The following APCDD1 variants were observed in gnomAD, a reference collection of about 807,000 sequenced individuals.
APCDD1 encodes the protein protein APCDD1.
APCDD1 carries 15 observed loss-of-function variants against 38.1 expected under a neutral mutation model. The ratio of observed to expected loss-of-function variants is 0.39; its 90% CI spans 0.26 to 0.61. The LOEUF (loss-of-function observed/expected upper bound fraction) is 0.61, where lower values mean the gene tolerates loss of function less well. APCDD1 is among the 20% of genes least tolerant of loss of function. APCDD1 has a pLI of 0.49. For missense variants in APCDD1, 647 were observed against 696.2 expected, an observed-to-expected ratio of 0.93 and a Z score of 0.79; for synonymous variants, 261 against 279.7, an observed-to-expected ratio of 0.93 and a Z score of 0.67.
chr18:10,486,179 C>T (rs1447783937), intron 4 of APCDD1, among the ~76,000 whole-genome samples: 1 of 152,148 alleles, frequency 6.6e-6, no homozygotes, highest in Non-Finnish European at 1.5e-5. Context: ...TAGTGAGGCC[C>T]TAACTCTATA....
In APCDD1 at chr18:10,487,909, G is replaced by T; in HGVS notation, c.1416G>T (p.Arg472Ser). 6.2e-7 allele frequency: 1 copy of T among 1,613,350 alleles called. No homozygotes were observed. Residue 472 changes from arginine to serine, a missense_variant, in exon 5 of 5, where the codon AGG becomes AGT. Coordinates refer to ENST00000355285, the MANE Select transcript of APCDD1 (RefSeq NM_153000.5). The stretch of plus-strand genomic sequence containing the variant: ...TCCAGTGTGCCTCCTCTTCGCCGAG[G>T]GCAGAGGACCTCGCAGAAGACAGTG... ...PLVQCASSSPRAEDLAEDSGS... is the reference protein window; with the variant it reads ...PLVQCASSSPSAEDLAEDSGS...
At chr18:10,465,402 T>C (rs1474719562) in intron 1 of APCDD1, among the ~76,000 whole-genome samples, 4 of 152,198 alleles carry the variant, frequency 2.6e-5, no homozygotes, top group Admixed American at 2.0e-4. Flanking sequence ...TTGGTTTTTT[T>C]CTTCCCTCAC....
chr18:10,481,822 A>G (rs2031146175), intron 3 of APCDD1, among the ~76,000 whole-genome samples: 1 of 122,968 alleles, frequency 8.1e-6, no homozygotes, highest in Non-Finnish European at 1.8e-5. Flanking sequence ...GCTCTCCACA[A>G]GACAAAAAAA....
chr18:10,459,679 C>T (rs1309586858), intron 1 of APCDD1, among the ~76,000 whole-genome samples: 1 of 152,162 alleles, frequency 6.6e-6, no homozygotes, highest in African/African-American at 2.4e-5. Flanking sequence ...GTCTGCAATA[C>T]ATACATGCTT....
chr18:10,488,001 G>A lies in APCDD1; in HGVS notation c.1508G>A (p.Cys503Tyr). 1 of 1,613,882 alleles carries A rather than the reference G, an allele frequency of 6.2e-7. No homozygotes were observed. Among genetic ancestry groups the A allele is most frequent in the Middle Eastern group, 1.7e-4 (1 of 6,054 alleles). Residue 503 changes from cysteine to tyrosine, a missense_variant, in exon 5 of 5, where the codon TGC becomes TAC. Transcript: ENST00000355285. ...TCCCTGCTGCTGGCTGCACTTGCCTGCCTTGTCCCTCTGCTGCATTGGAAC... is the reference window on the plus strand; with the variant it reads ...TCCCTGCTGCTGGCTGCACTTGCCTACCTTGTCCCTCTGCTGCATTGGAAC... ...TWSLLLAALA[C>Y]LVPLLHWNIR... is the part of the protein sequence containing the mutation.
At chr18:10,483,545 C>A (rs1430612070) in intron 3 of APCDD1, among the ~76,000 whole-genome samples, 1 of 152,262 alleles carries the variant, frequency 6.6e-6, no homozygotes, top group Admixed American at 6.5e-5. Context: ...GCCCACAGCT[C>A]TTCCTGCCCT....
rs2031324429 is a variant in APCDD1 at position 10,489,515 on chromosome 18, CTG to C, written c.*1480_*1481del. ...GAGATCAAGACCATCCTGGCTAACA[CTG>C]TGAAATGCTGTCTCTACTAAAAATA... On this transcript the variant is annotated 3_prime_UTR_variant, in exon 5 of 5. Transcript: ENST00000355285. 1 of 152,144 alleles carries C rather than the reference CTG, an allele frequency of 6.6e-6. No individual in the cohort carries two copies. Among genetic ancestry groups the C allele is most frequent in the Admixed American group, 6.5e-5 (1 of 15,272 alleles). 9.4% of individuals were successfully genotyped at this position (152,144 alleles called of 1,614,324 possible).
Position 10,471,501 on chromosome 18 carries a change from A to G in APCDD1, c.243-29A>G. ...CTTTCCCATACCTTCAGGCTTACAA[A>G]GGTCTCTTCTTCCCCTTTTCTTGCC... On this transcript the variant is annotated intron_variant, in intron 2 of 4. Coordinates refer to ENST00000355285, the MANE Select transcript of APCDD1 (RefSeq NM_153000.5). This position sits in a 1 kb window ranked among gnomAD's most constrained non-coding sequence, Gnocchi z 5.5. The G allele has an allele frequency of 6.2e-7, 1 of 1,614,064 alleles. No homozygotes were observed. The highest frequency in any genetic ancestry group is 2.2e-5 in the East Asian group (1 of 44,886).
chr18:10,482,953 A>G (rs2031172664), intron 3 of APCDD1, among the ~76,000 whole-genome samples: 2 of 152,264 alleles, frequency 1.3e-5, no homozygotes, highest in African/African-American at 4.8e-5. Context: ...CATTTGAAAG[A>G]TAGTGGCACA....
rs139610771 is a variant in APCDD1, at chr18:10,464,395, A to G, written c.59-4074A>G. Among the ~76,000 whole-genome samples, 302 of 151,840 alleles carry G rather than the reference A, an allele frequency of 2.0e-3. 1 individual carries two copies. Among genetic ancestry groups the G allele is most frequent in the African/African-American group, 6.9e-3 (286 of 41,398 alleles). ...GTTAGTCTTTATGTTTCTGGCTCCTAAAGTATAGCAAATAAAGGTTTATAG... is the reference window on the plus strand; with the variant it reads ...GTTAGTCTTTATGTTTCTGGCTCCTGAAGTATAGCAAATAAAGGTTTATAG... On this transcript the variant is annotated intron_variant, in intron 1 of 4. Coordinates refer to ENST00000355285, the MANE Select transcript of APCDD1 (RefSeq NM_153000.5).
rs143107759 is a variant in APCDD1, at chr18:10,485,550, C to T, written c.863C>T (p.Thr288Ile). Residue 288 changes from threonine (T) to isoleucine (I), a missense_variant, in exon 4 of 5, where the codon ACC becomes ATC. Physicochemically the swap from Thr to Ile is moderately conservative, Grantham distance 89. Coordinates refer to ENST00000355285, the MANE Select transcript of APCDD1 (RefSeq NM_153000.5). The surrounding 1 kb of genome is among the most constrained non-coding windows in gnomAD (Gnocchi z 5.8). The stretch of plus-strand genomic sequence containing the variant: ...ATCCTGCCCCCAAAGGCAGACCTGA[C>T]CATCGGCCTGCACGGGGAGTGGGTG... ...PPILPPKADLTIGLHGEWVSQ... is the reference protein window; with the variant it reads ...PPILPPKADLIIGLHGEWVSQ... The T allele has an allele frequency of 3.0e-5, 48 of 1,614,164 alleles. No individual in the cohort carries two copies. The African/African-American group carries it at 5.7e-4, about 19-fold the overall frequency.
chr18:10,470,887 C>G lies in APCDD1; in HGVS notation c.243-643C>G, dbSNP rs1224991244. On this transcript the variant is annotated intron_variant, in intron 2 of 4. Transcript: ENST00000355285. This position sits in a 1 kb window ranked among gnomAD's most constrained non-coding sequence, Gnocchi z 4.1. ...GGCAACCATCATAAACAAAAGGAAC[C>G]CTTATTTCTGTTGTGCCAGCTTTGC... is the stretch of plus-strand genomic sequence containing the variant. Among the ~76,000 whole-genome samples, 1 of 152,182 alleles carries G rather than the reference C, an allele frequency of 6.6e-6. No homozygotes were observed. The highest frequency in any genetic ancestry group is 6.5e-5 in the Admixed American group (1 of 15,288).
In APCDD1 at chr18:10,472,846, G is replaced by A. The variant is rs999893978; in HGVS notation, c.774+785G>A. On this transcript the variant is annotated intron_variant, in intron 3 of 4. Coordinates refer to ENST00000355285, the MANE Select transcript of APCDD1 (RefSeq NM_153000.5). This position sits in a 1 kb window ranked among gnomAD's most constrained non-coding sequence, Gnocchi z 6.6. ...TTCACAAGGCATTTCCTTCCCACAA[G>A]CTTAGAGTACACGTCCATGTGTAAC... 1.3e-5 allele frequency among the ~76,000 whole-genome samples: 2 copies of A among 152,196 alleles called. No individual in the cohort carries two copies. Among genetic ancestry groups the A allele is most frequent in the African/African-American group, 2.4e-5 (1 of 41,450 alleles).
rs2030848441 is a variant in APCDD1 at position 10,471,447 on chromosome 18, C to T, written c.243-83C>T. ...CATCGTCAGCACTTTATTATTATTT[C>T]TGTAATTTCTTAATACTATAATGAA... On this transcript the variant is annotated intron_variant, in intron 2 of 4. Transcript: ENST00000355285. This position sits in a 1 kb window ranked among gnomAD's most constrained non-coding sequence, Gnocchi z 5.5. 1 of 1,565,284 alleles carries T rather than the reference C, an allele frequency of 6.4e-7. No individual in the cohort carries two copies. The highest frequency in any genetic ancestry group is 2.3e-5 in the East Asian group (1 of 44,356).
chr18:10,462,440 TC>T (rs2030573231), intron 1 of APCDD1, among the ~76,000 whole-genome samples: 1 of 60,812 alleles, frequency 1.6e-5, no homozygotes, highest in African/African-American at 1.1e-4. Flanking sequence ...CCTTGCTCCC[TC>T]TCTCCTTTCC....
chr18:10,487,926 A>G lies in APCDD1; in HGVS notation c.1433A>G (p.Glu478Gly). The G allele has an allele frequency of 6.2e-7, 1 of 1,613,368 alleles. No individual in the cohort carries two copies. Among genetic ancestry groups the G allele is most frequent in the Non-Finnish European group, 8.5e-7 (1 of 1,179,756 alleles). The change falls in exon 5 of 5, where the codon GAA becomes GGA. Residue 478 changes from glutamate (E) to glycine (G), a missense_variant. By Grantham distance (98) the Glu-to-Gly change is moderately conservative (BLOSUM62 -2). Transcript: ENST00000355285. ...SSSPRAEDLA[E>G]DSGSSLYGRA... ...TCGCCGAGGGCAGAGGACCTCGCAG[A>G]AGACAGTGGAAGCAGCCTGTATGGC...
At position 10,488,331 on chromosome 18, in the gene APCDD1, G is replaced by C; in HGVS notation, c.*293G>C. 1 of 336,694 alleles carries C rather than the reference G, an allele frequency of 3.0e-6. No individual in the cohort carries two copies. The highest frequency in any genetic ancestry group is 5.3e-5 in the East Asian group (1 of 18,716). The allele number at this position is 336,694 out of a possible 1,614,324, so 20.9% of individuals were successfully genotyped here. A position where few individuals can be genotyped will look rare whatever the true frequency, so the allele number is the denominator to read the frequency against. On this transcript the variant is annotated 3_prime_UTR_variant, in exon 5 of 5. Transcript: ENST00000355285. ...AGCGTGTTTGGTAGCAGGGATGAAA[G>C]CTAGGGCCTCTTATTTTTTTCTCTT...
chr18:10,474,651 C>T (rs114933418), intron 3 of APCDD1, among the ~76,000 whole-genome samples: 1 of 152,186 alleles, frequency 6.6e-6, no homozygotes, highest in Non-Finnish European at 1.5e-5. Context: ...ACCATCATCA[C>T]GTTTATTTTC....
chr18:10,468,032 A>G (rs2030757936), intron 1 of APCDD1, among the ~76,000 whole-genome samples: 1 of 152,006 alleles, frequency 6.6e-6, no homozygotes, highest in African/African-American at 2.4e-5. Flanking sequence ...ACCCTTATTG[A>G]TGACACCTCT....
Sources: gnomAD v4.1 joint callset for allele counts (sites outside exome capture counted in the v4.1 genomes callset) on GRCh38, gnomAD v4.1.1 for gene constraint, Gnocchi (gnomAD v3.1) non-coding constraint, MANE v1.5 for transcripts, NCBI Gene and HGNC (gene_info 2026-07-23, HGNC 2026-07-21) for gene names.